The following USP48 variants were observed in gnomAD, a reference collection of about 807,000 sequenced individuals.
The protein encoded by USP48 is ubiquitin specific peptidase 48, also known as ubiquitin carboxyl-terminal hydrolase 48.
Under a neutral mutation model 150.7 loss-of-function variants are expected in USP48, and 43 were observed. The ratio of observed to expected loss-of-function variants is 0.29; its 90% confidence interval spans 0.22 to 0.37. USP48 has a LOEUF of 0.37. USP48 is among the 10% of genes least tolerant of loss of function. The probability of loss-of-function intolerance (pLI) is 1.00; values close to 1 mark genes in which losing one functional copy is unlikely to be tolerated. For missense variants in USP48, 813 were observed against 1,249.6 expected, an observed-to-expected ratio of 0.65 and a Z score of 5.27; for synonymous variants, 396 against 425.9, an observed-to-expected ratio of 0.93 and a Z score of 0.86.
In USP48 at chr1:21,756,336, C is replaced by T. The variant is rs190647694; in HGVS notation, c.412+210G>A. On this transcript the variant is annotated intron_variant, in intron 3 of 26. Coordinates refer to ENST00000308271, the MANE Select transcript of USP48 (RefSeq NM_032236.8). ...TCTCTACTAAAAATACAAAAACTAG[C>T]CAGGCGTGGTGGCGGGCGCCTGTAA... 1.2e-3 allele frequency among the ~76,000 whole-genome samples: 189 copies of T among 151,834 alleles called. 3 individuals are homozygous for T. The highest frequency in any genetic ancestry group is 2.6e-4 in the Non-Finnish European group (18 of 67,946).
chr1:21,720,882 T>C (rs992510679), intron 14 of USP48, among the ~76,000 whole-genome samples, 154 bp downstream of exon 14: 1 of 151,972 alleles, frequency 6.6e-6, no homozygotes, highest in African/African-American at 2.4e-5. Context: ...CAGACTGGAG[T>C]GCAGTGGGGC....
intron 25 of USP48, among the ~76,000 whole-genome samples, chr1:21,682,957 G>A (rs765549097): frequency 3.3e-5 from 5 of 151,806 alleles, no homozygotes; most frequent in Non-Finnish European, 5.9e-5. Flanking sequence ...ACATGAACCA[G>A]CTTTAAAAAA....
intron 6 of USP48, 56 bp downstream of exon 6, chr1:21,751,451 G>T: frequency 1.5e-6 from 2 of 1,314,226 alleles, no homozygotes; most frequent in South Asian, 1.2e-5. Flanking sequence ...ATAGCATTCA[G>T]AACAGCATTT....
chr1:21,688,181 G>A (rs557745596), intron 24 of USP48, among the ~76,000 whole-genome samples: 1 of 152,152 alleles, frequency 6.6e-6, no homozygotes, highest in Non-Finnish European at 1.5e-5. Flanking sequence ...AGGCCCTTAG[G>A]GAGGGTAGAA....
rs1238446624 is a variant in USP48 at position 21,744,507 on chromosome 1, G to A, written c.991+2560C>T. Among the ~76,000 whole-genome samples, 4 of 151,164 alleles carry A rather than the reference G, an allele frequency of 2.6e-5. No homozygotes were observed. The East Asian group carries it at 7.8e-4, about 29-fold the overall frequency. ...ACATAGTTTTTAGGCCAGGTGCGGT[G>A]GGTCACGCCTGTAATTCCAGCACTT... On this transcript the variant is annotated intron_variant, in intron 8 of 26. Transcript: ENST00000308271.
chr1:21,703,019 A>G (rs2097661681), intron 21 of USP48, among the ~76,000 whole-genome samples: 1 of 152,178 alleles, frequency 6.6e-6, no homozygotes, highest in African/African-American at 2.4e-5. Flanking sequence ...TGTCTGGAAA[A>G]CACTTCCCAG....
chr1:21,688,246 T>C (rs1571693987), intron 24 of USP48, among the ~76,000 whole-genome samples: 1 of 151,570 alleles, frequency 6.6e-6, no homozygotes, highest in African/African-American at 2.4e-5. Flanking sequence ...TGAGACGGAG[T>C]CTCCCTCTGT....
At chr1:21,759,479 T>G (rs766770030) in intron 1 of USP48, among the ~76,000 whole-genome samples, 1 of 152,134 alleles carries the variant, frequency 6.6e-6, no homozygotes, top group South Asian at 2.1e-4. Context: ...TTCTAAATAT[T>G]ACCCACTAAA....
intron 23 of USP48, among the ~76,000 whole-genome samples, chr1:21,691,152 T>C (rs532187913): frequency 4.6e-5 from 7 of 151,724 alleles, no homozygotes; most frequent in Non-Finnish European, 8.8e-5. Flanking sequence ...CTGTCTCCAC[T>C]AAAAATACAA....
At position 21,729,797 on chromosome 1, in the gene USP48, A is replaced by C. The variant is rs760262175; in HGVS notation, c.1207T>G (p.Cys403Gly). Reference sequence around the variant, plus strand: ...CGAGAGCAATGAGTTCCTTTGCCACACTTGGGTTTACGTGTCTGAGACTTA... The same window carrying C: ...CGAGAGCAATGAGTTCCTTTGCCACCCTTGGGTTTACGTGTCTGAGACTTA... ...PSKSQTRKPK[C>G]GKGTHCSRNA... The change falls in exon 10 of 27, where the codon TGT becomes GGT. Residue 403 changes from cysteine (C) to glycine (G), a missense_variant. Transcript: ENST00000308271. 3 of 1,614,002 alleles carry C rather than the reference A, an allele frequency of 1.9e-6. No individual in the cohort carries two copies. The highest frequency in any genetic ancestry group is 1.1e-5 in the South Asian group (1 of 91,080).
At chr1:21,752,790 A>G in intron 4 of USP48, 139 bp from the exon 5 acceptor site, 1 of 1,209,272 alleles carries the variant, frequency 8.3e-7, no homozygotes, top group Non-Finnish European at 1.1e-6. Flanking sequence ...GCTATGTTCA[A>G]TCAGTTTGTG....
chr1:21,737,980 T>C (rs986249324), intron 8 of USP48, among the ~76,000 whole-genome samples: 3 of 152,112 alleles, frequency 2.0e-5, no homozygotes, highest in Admixed American at 2.0e-4. Context: ...TCACTGCAGC[T>C]TCAACCTCCT....
chr1:21,732,269 ACT>A (rs34332923), intron 9 of USP48, among the ~76,000 whole-genome samples: 81,855 of 151,770 alleles, frequency 0.54, 24,551 homozygotes, highest in Admixed American at 0.69. Flanking sequence ...ACACAGTGAG[ACT>A]CTGTCTCAAA....
intron 15 of USP48, among the ~76,000 whole-genome samples, chr1:21,709,584 T>TA (rs2097684764): frequency 6.4e-5 from 9 of 140,030 alleles, no homozygotes; most frequent in Admixed American, 6.9e-5. Context: ...TTTTTATGCT[T>TA]TAAAAAAAAA....
intron 1 of USP48, among the ~76,000 whole-genome samples, chr1:21,760,446 T>A (rs2097847119): frequency 6.6e-6 from 1 of 152,228 alleles, no homozygotes; most frequent in Non-Finnish European, 1.5e-5. Flanking sequence ...CCGGGCACAG[T>A]GGCTCACGCC....
rs201971084 is a variant in USP48 at position 21,729,788 on chromosome 1, C to T, written c.1216G>A (p.Gly406Arg). The change falls in exon 10 of 27, where the codon GGA (glycine) becomes AGA (arginine). Residue 406 changes from glycine to arginine, a missense_variant. By Grantham distance (125) the Gly-to-Arg change is moderately radical. Transcript: ENST00000308271. ...TATGCATTTCGAGAGCAATGAGTTC[C>T]TTTGCCACACTTGGGTTTACGTGTC... The part of the protein sequence containing the change: ...SQTRKPKCGK[G>R]THCSRNAYML... 1.2e-4 allele frequency: 201 copies of T among 1,613,960 alleles called. No individual in the cohort carries two copies. Among genetic ancestry groups the T allele is most frequent in the Middle Eastern group, 1.6e-4 (1 of 6,084 alleles).
intron 8 of USP48, among the ~76,000 whole-genome samples, chr1:21,746,328 TAA>T (rs2097794463): frequency 1.3e-5 from 2 of 151,998 alleles, no homozygotes; most frequent in Admixed American, 1.3e-4. Flanking sequence ...GGCAAAACCC[TAA>T]AGTGCAAAAA....
At chr1:21,771,289 G>A (rs888476908) in intron 1 of USP48, among the ~76,000 whole-genome samples, 6 of 151,322 alleles carry the variant, frequency 4.0e-5, no homozygotes, top group Non-Finnish European at 8.8e-5. Context: ...CAGGAGAATC[G>A]CCTGAACCCG....
chr1:21,744,826 G>A (rs1230817828), intron 8 of USP48, among the ~76,000 whole-genome samples: 1 of 134,734 alleles, frequency 7.4e-6, no homozygotes, highest in Admixed American at 7.8e-5. Context: ...AGTCCCCAAG[G>A]AATATGGCAA....
Sources: gnomAD v4.1 joint callset for allele counts (sites outside exome capture counted in the v4.1 genomes callset) on GRCh38, gnomAD v4.1.1 for gene constraint, MANE v1.5 for transcripts, NCBI Gene and HGNC (gene_info 2026-07-23, HGNC 2026-07-21) for gene names.